The following CALN1 variants were observed in gnomAD, a reference collection of about 807,000 sequenced individuals.
CALN1 encodes the protein calneuron 1.
In CALN1, 17 loss-of-function variants were observed where a neutral mutation model predicts 30.6. The ratio of observed to expected loss-of-function variants is 0.56; its 90% confidence interval spans 0.38 to 0.83. The LOEUF (loss-of-function observed/expected upper bound fraction) is 0.83. Ranked by LOEUF, CALN1 falls within the 40% of genes least tolerant of loss-of-function variation. The pLI, the probability that CALN1 is intolerant of heterozygous loss-of-function variation, is 0.00. For missense variants in CALN1, 291 were observed against 354.9 expected (o/e 0.82, Z 1.45); for synonymous variants, 156 against 131.4 (o/e 1.19, Z -1.28).
chr7:72,085,389 T>C (rs149100103), intron 4 of CALN1, among the ~76,000 whole-genome samples: 201 of 152,308 alleles, frequency 1.3e-3, no homozygotes, highest in African/African-American at 4.0e-3. Flanking sequence ...CACATTCACA[T>C]CCTTTTTTTA....
At chr7:72,398,727 G>C (rs1806136448) in intron 2 of CALN1, among the ~76,000 whole-genome samples, 2 of 152,216 alleles carry the variant, frequency 1.3e-5, no homozygotes, top group Admixed American at 1.3e-4. Flanking sequence ...TAGGGGTCCT[G>C]GGGGACACCC....
At chr7:72,286,310 T>C (rs1190067457) in intron 2 of CALN1, among the ~76,000 whole-genome samples, 1 of 152,186 alleles carries the variant, frequency 6.6e-6, no homozygotes, top group African/African-American at 2.4e-5. Flanking sequence ...CAACTTTTTT[T>C]CCTCTAGCTA....
intron 4 of CALN1, among the ~76,000 whole-genome samples, chr7:72,091,798 G>T (rs892817730): frequency 6.6e-6 from 1 of 152,182 alleles, no homozygotes; most frequent in Non-Finnish European, 1.5e-5. Context: ...TGCAGGTCTA[G>T]TCTTGCCAAA....
intron 3 of CALN1, among the ~76,000 whole-genome samples, chr7:72,262,762 A>C (rs1001706529): frequency 2.6e-5 from 4 of 152,228 alleles, no homozygotes; most frequent in African/African-American, 9.6e-5. Flanking sequence ...TCTATCCCTC[A>C]GGACAATTCA....
the CALN1 span, among the ~76,000 whole-genome samples, chr7:72,489,530 T>C: frequency 6.9e-6 from 1 of 144,578 alleles, no homozygotes; most frequent in African/African-American, 2.7e-5. Context: ...CCACTGAGCT[T>C]GTTCACCAGC....
chr7:72,408,243 G>A (rs1476832936), intron 1 of CALN1, among the ~76,000 whole-genome samples: 3 of 148,924 alleles, frequency 2.0e-5, no homozygotes, highest in Non-Finnish European at 3.0e-5. Flanking sequence ...GCCCAGCCTG[G>A]CCAACATGGT....
intron 5 of CALN1, among the ~76,000 whole-genome samples, chr7:71,964,576 A>G (rs190787707): frequency 6.6e-6 from 1 of 152,166 alleles, no homozygotes; most frequent in Admixed American, 6.5e-5. Flanking sequence ...TATCATTTTC[A>G]AAAGAACAAC....
intron 4 of CALN1, among the ~76,000 whole-genome samples, chr7:72,095,949 C>T (rs1014930561): frequency 6.6e-6 from 1 of 152,000 alleles, no homozygotes; most frequent in Non-Finnish European, 1.5e-5. Context: ...CTGAGGCAGG[C>T]GGATGGCTTG....
intron 4 of CALN1, among the ~76,000 whole-genome samples, chr7:72,073,906 G>A (rs1440483824): frequency 2.0e-5 from 3 of 152,130 alleles, no homozygotes; most frequent in African/African-American, 2.4e-5. Context: ...TGTTGTCCAG[G>A]TCAGTCTTGA....
chr7:72,450,078 T>C (rs1274182108), upstream of CALN1, among the ~76,000 whole-genome samples: 1 of 151,838 alleles, frequency 6.6e-6, no homozygotes, highest in Non-Finnish European at 1.5e-5. Context: ...TGTTTGTGCA[T>C]ACCTATAGCC....
chr7:72,360,642 C>G (rs771858481), intron 2 of CALN1, among the ~76,000 whole-genome samples: 1 of 147,326 alleles, frequency 6.8e-6, no homozygotes, highest in Non-Finnish European at 1.5e-5. Context: ...CTAGGGTACA[C>G]GTGCACAACG....
At position 72,411,540 on chromosome 7, in the gene CALN1, TGAAAA is replaced by T. The variant is rs1247661108; in HGVS notation, c.-74+513_-74+517del. Among the ~76,000 whole-genome samples the T allele has an allele frequency of 2.6e-5, 4 of 152,224 alleles. No individual in the cohort carries two copies. In the East Asian group the frequency reaches 7.7e-4, roughly 29 times the overall value. ...AATATGGACGTATCAGTTGTGTCAC[TGAAAA>T]GACGTCAAGGTAATAAAACTCAGGC... On this transcript the variant is annotated intron_variant, in intron 1 of 6. Transcript: ENST00000395275.
At position 72,188,889 on chromosome 7, in the gene CALN1, G is replaced by A. The variant is rs555301490; in HGVS notation, c.245-82595C>T. ...TGATGCAGCAAGGCCAGGTACCCGA[G>A]AGGTATCCCCAGGCCCCAACTCCCT... On this transcript the variant is annotated intron_variant, in intron 3 of 6. Transcript: ENST00000395275. Among the ~76,000 whole-genome samples the A allele has an allele frequency of 2.0e-5, 3 of 152,192 alleles. No individual in the cohort carries two copies. In the South Asian group the frequency reaches 6.2e-4, roughly 32 times the overall value.
intron 2 of CALN1, among the ~76,000 whole-genome samples, chr7:72,284,228 G>A (rs1428040904): frequency 2.0e-5 from 3 of 152,164 alleles, no homozygotes; most frequent in Non-Finnish European, 4.4e-5. Flanking sequence ...CCAGGAGTTT[G>A]AGGCTGCAGT....
intron 3 of CALN1, among the ~76,000 whole-genome samples, chr7:72,201,610 GA>G (rs1791424674): frequency 6.6e-6 from 1 of 151,478 alleles, no homozygotes; most frequent in Non-Finnish European, 1.5e-5. Context: ...AGAAAAAAAA[GA>G]AAAAGAAAAA....
At chr7:72,502,996 T>C in the CALN1 span, among the ~76,000 whole-genome samples, 28 of 152,096 alleles carry the variant, frequency 1.8e-4, no homozygotes, top group African/African-American at 6.5e-4. Flanking sequence ...CTACTAAAAA[T>C]ATAAAAATTA....
rs1305576740 is a variant in CALN1, at chr7:72,271,564, TA to T, written c.244+7121del. Among the ~76,000 whole-genome samples, 305 of 64,586 alleles carry T rather than the reference TA, an allele frequency of 4.7e-3. 29 individuals are homozygous for T. Among genetic ancestry groups the T allele is most frequent in the Non-Finnish European group, 4.3e-3 (172 of 39,816 alleles). The allele number at this position is 64,586 out of a possible 152,430, so 42.4% of individuals were successfully genotyped here. A position where few individuals can be genotyped will look rare whatever the true frequency, so the allele number is the denominator to read the frequency against. ...AGCATGAACCACTGTGCCTGCCTTT[TA>T]AAAAAAAAAAATATATATATATATA... On this transcript the variant is annotated intron_variant, in intron 3 of 6. Coordinates refer to ENST00000395275, the MANE Select transcript of CALN1 (RefSeq NM_031468.4).
intron 3 of CALN1, among the ~76,000 whole-genome samples, chr7:72,264,202 C>A (rs1049037484): frequency 2.0e-5 from 3 of 152,160 alleles, no homozygotes; most frequent in African/African-American, 7.2e-5. Context: ...TCTGCTCTAA[C>A]CTTTACAAGG....
At chr7:72,015,338 T>C (rs758917908) in intron 5 of CALN1, among the ~76,000 whole-genome samples, 5 of 152,192 alleles carry the variant, frequency 3.3e-5, no homozygotes, top group East Asian at 1.9e-4. Context: ...TAGAAACAGA[T>C]TGCTGGGCCA....
Sources: allele counts gnomAD v4.1 joint callset (sites outside exome capture counted in the v4.1 genomes callset), GRCh38; gene constraint gnomAD v4.1.1; transcripts MANE v1.5; gene names NCBI Gene and HGNC (gene_info 2026-07-23, HGNC 2026-07-21).